Variants in GPC5 observed in about 807,000 individuals in gnomAD.
GPC5 encodes glypican 5.
Under a neutral mutation model 53.9 loss-of-function variants are expected in GPC5, and 47 were observed. The ratio of observed to expected loss-of-function variants is 0.87; its 90% CI spans 0.69 to 1.11. GPC5 has a LOEUF of 1.11. GPC5 is among the 50% of genes most tolerant of loss of function. The pLI is 0.00. For synonymous variants in GPC5, 286 were observed against 263.3 expected (o/e 1.09, Z -0.84); for missense variants, 748 against 713.1 (o/e 1.05, Z -0.56).
chr13:91,830,212 A>G (rs2138852663), intron 5 of GPC5, among the ~76,000 whole-genome samples: 1 of 152,164 alleles, frequency 6.6e-6, no homozygotes, highest in South Asian at 2.1e-4. Flanking sequence ...GCTGAGAAAA[A>G]GAATTCAGCG....
intron 7 of GPC5, among the ~76,000 whole-genome samples, chr13:92,305,114 C>G (rs1246150987): frequency 1.3e-5 from 2 of 152,104 alleles, no homozygotes; most frequent in African/African-American, 4.8e-5. Flanking sequence ...TTGCTCATCT[C>G]AACTATTCAT....
intron 6 of GPC5, among the ~76,000 whole-genome samples, chr13:91,956,732 A>G (rs1048381283): frequency 1.5e-4 from 23 of 152,310 alleles, no homozygotes; most frequent in African/African-American, 4.6e-4. Flanking sequence ...AAGAAATCAT[A>G]TGGAAACTAC....
At chr13:92,720,663 ACTTTT>A (rs1888483459) in intron 7 of GPC5, among the ~76,000 whole-genome samples, 1 of 152,148 alleles carries the variant, frequency 6.6e-6, no homozygotes, top group Non-Finnish European at 1.5e-5. Context: ...ATCCACTGCT[ACTTTT>A]CTTATAAAGA....
intron 3 of GPC5, among the ~76,000 whole-genome samples, chr13:91,706,570 C>G (rs2036110387): frequency 6.6e-6 from 1 of 151,948 alleles, no homozygotes; most frequent in African/African-American, 2.4e-5. Flanking sequence ...GGAAATTATA[C>G]TTTGACCTAA....
At chr13:92,685,087 C>CTATTTATTTATTTATTTATT (rs57486972) in intron 7 of GPC5, among the ~76,000 whole-genome samples, 106 of 150,630 alleles carry the variant, frequency 7.0e-4, no homozygotes, top group African/African-American at 2.1e-3. Flanking sequence ...TCCAGTAGTT[C>CTATTTATTTATTTATTTATT]TATTTATTTA....
chr13:91,487,468 G>A (rs1379713780), intron 2 of GPC5, among the ~76,000 whole-genome samples: 1 of 152,176 alleles, frequency 6.6e-6, no homozygotes, highest in Non-Finnish European at 1.5e-5. Context: ...ACATTTGGGG[G>A]AGGGGATAGA....
At chr13:91,888,442 A>T (rs1171666343) in intron 5 of GPC5, among the ~76,000 whole-genome samples, 1 of 152,156 alleles carries the variant, frequency 6.6e-6, no homozygotes, top group Non-Finnish European at 1.5e-5. Context: ...ACCTTTGAGG[A>T]ATTGCCTGAG....
At chr13:92,392,741 A>G (rs995557101) in intron 7 of GPC5, among the ~76,000 whole-genome samples, 1 of 152,242 alleles carries the variant, frequency 6.6e-6, no homozygotes, top group African/African-American at 2.4e-5. Context: ...GGCAAAGGAC[A>G]GGAACAGAGA....
At chr13:92,726,463 G>T (rs905726656) in intron 7 of GPC5, among the ~76,000 whole-genome samples, 1 of 151,552 alleles carries the variant, frequency 6.6e-6, no homozygotes, top group African/African-American at 2.4e-5. Context: ...TGAAAACATA[G>T]TTCATTGAAA....
At chr13:92,425,743 G>C (rs1421909041) in intron 7 of GPC5, among the ~76,000 whole-genome samples, 1 of 152,014 alleles carries the variant, frequency 6.6e-6, no homozygotes, top group African/African-American at 2.4e-5. Context: ...CACTAGGAAA[G>C]ATAATTGTTC....
At chr13:91,806,231 T>C (rs1408382298) in intron 5 of GPC5, among the ~76,000 whole-genome samples, 1 of 151,650 alleles carries the variant, frequency 6.6e-6, no homozygotes, top group Admixed American at 6.6e-5. Flanking sequence ...AGAGTGGGTT[T>C]CACTGTATTG....
chr13:92,150,267 A>T (rs1215768010), intron 7 of GPC5, among the ~76,000 whole-genome samples: 1 of 150,270 alleles, frequency 6.7e-6, no homozygotes, highest in African/African-American at 2.5e-5. Context: ...GTCAGATAAA[A>T]CCCTGCATGA....
At chr13:91,871,877 G>T (rs192701134) in intron 5 of GPC5, among the ~76,000 whole-genome samples, 2 of 151,852 alleles carry the variant, frequency 1.3e-5, no homozygotes, top group Non-Finnish European at 2.9e-5. Flanking sequence ...GGCTGCTTCA[G>T]GTGTGTGACT....
rs529253770 is a variant in GPC5 at position 92,491,337 on chromosome 13, A to G, written c.1561+346348A>G. 6.6e-5 allele frequency among the ~76,000 whole-genome samples: 10 copies of G among 152,306 alleles called. No homozygotes were observed. The East Asian group carries it at 1.2e-3, about 18-fold the overall frequency. ...GGACTAATAAAGAAAAGGAAGAACC[A>G]GAATTACTTTATATAATTCAGTCAA... is the stretch of plus-strand genomic sequence containing the variant. On this transcript the variant is annotated intron_variant, in intron 7 of 7. Transcript: ENST00000377067.
intron 7 of GPC5, among the ~76,000 whole-genome samples, chr13:92,652,903 G>C (rs115670704): frequency 6.6e-6 from 1 of 151,958 alleles, no homozygotes; most frequent in Non-Finnish European, 1.5e-5. Context: ...AATATCCAGC[G>C]TGGGCCCATT....
chr13:91,685,837 T>C (rs1023941063), intron 2 of GPC5, among the ~76,000 whole-genome samples: 2 of 151,586 alleles, frequency 1.3e-5, no homozygotes, highest in Non-Finnish European at 2.9e-5. Flanking sequence ...AGATTTCAAA[T>C]AGAGAAAATG....
chr13:92,242,638 T>A (rs2042621962), intron 7 of GPC5, among the ~76,000 whole-genome samples: 1 of 152,270 alleles, frequency 6.6e-6, no homozygotes, highest in South Asian at 2.1e-4. Flanking sequence ...AAACCTAAAC[T>A]AGTCCCATTT....
At chr13:92,583,158 C>T (rs566842278) in intron 7 of GPC5, among the ~76,000 whole-genome samples, 11 of 152,134 alleles carry the variant, frequency 7.2e-5, no homozygotes, top group Admixed American at 3.3e-4. Flanking sequence ...AAGGTACATT[C>T]ATCCTGTTCC....
rs150229607 is a variant in GPC5, at chr13:91,891,634, T to G, written c.1281-16303T>G. On this transcript the variant is annotated intron_variant, in intron 5 of 7. Coordinates refer to ENST00000377067, the MANE Select transcript of GPC5 (RefSeq NM_004466.6). ...TATGTTGTGCCAAATTGCTATACACTACCAAAAGCTTATGAGAGAAAATGT... is the reference window on the plus strand; with the variant it reads ...TATGTTGTGCCAAATTGCTATACACGACCAAAAGCTTATGAGAGAAAATGT... 1.1e-3 allele frequency among the ~76,000 whole-genome samples: 168 copies of G among 152,274 alleles called. 1 individual carries two copies. In the East Asian group the frequency reaches 0.024, roughly 22 times the overall value.
Sources: gnomAD v4.1 joint callset for allele counts (sites outside exome capture counted in the v4.1 genomes callset) on GRCh38, gnomAD v4.1.1 for gene constraint, MANE v1.5 for transcripts, NCBI Gene and HGNC (gene_info 2026-07-23, HGNC 2026-07-21) for gene names.